The following OR6Y1 variants were observed in gnomAD, a reference collection of about 807,000 sequenced individuals.
The protein encoded by OR6Y1 is olfactory receptor family 6 subfamily Y member 1.
OR6Y1 carries 1 observed loss-of-function variant against 0.4 expected under a neutral mutation model. That is an observed-to-expected ratio of 2.74 (90% CI 0.97 to 13.02). The LOEUF (loss-of-function observed/expected upper bound fraction) is 13.02, where lower values mean the gene tolerates loss of function less well. Among genes scored for constraint, OR6Y1 ranks in the 30% most tolerant of loss-of-function variants. The pLI is 0.12. For synonymous variants in OR6Y1, 173 were observed against 141.1 expected (o/e 1.23, Z -1.60); for missense variants, 480 against 399.8 (o/e 1.20, Z -1.71).
At chr1:158,552,096 C>T (rs943061075) in intron 1 of OR6Y1, among the ~76,000 whole-genome samples, 1 of 151,988 alleles carries the variant, frequency 6.6e-6, no homozygotes, top group African/African-American at 2.4e-5. Context: ...AAAGGATAGA[C>T]TTCACTGTTT....
At chr1:158,551,121 C>CT (rs10714040) in intron 1 of OR6Y1, among the ~76,000 whole-genome samples, 22 of 148,432 alleles carry the variant, frequency 1.5e-4, no homozygotes, top group South Asian at 8.5e-4. Context: ...TTGGGTGAGG[C>CT]TTTTTTTTTT....
chr1:158,553,607 A>C (rs2101711102), intron 1 of OR6Y1, among the ~76,000 whole-genome samples: 1 of 152,244 alleles, frequency 6.6e-6, no homozygotes, highest in South Asian at 2.1e-4. Context: ...ATTATAAGCC[A>C]TCTGATCCTC....
rs1380471583 is a variant in OR6Y1 at position 158,547,355 on chromosome 1, T to A, written c.751A>T (p.Thr251Ser). Residue 251 changes from threonine (T) to serine (S), a missense_variant, in exon 2 of 2, where the codon ACC becomes TCC. Coordinates refer to ENST00000641622, the MANE Select transcript of OR6Y1 (RefSeq NM_001005189.2). ...ATGGAATAGAAGAGAATTACGACGGTCAGGTGGGAGGCACAGGTGGAGAAT... is the reference window on the plus strand; with the variant it reads ...ATGGAATAGAAGAGAATTACGACGGACAGGTGGGAGGCACAGGTGGAGAAT... ...KAFSTCASHL[T>S]VVILFYSMTL... is the part of the protein sequence containing the mutation. 1 of 1,613,306 alleles carries A rather than the reference T, an allele frequency of 6.2e-7. No homozygotes were observed. The highest frequency in any genetic ancestry group is 1.3e-5 in the African/African-American group (1 of 74,458).
In OR6Y1 at chr1:158,547,933, C is replaced by T; in HGVS notation, c.173G>A (p.Gly58Glu). 6.2e-7 allele frequency: 1 copy of T among 1,613,442 alleles called. No homozygotes were observed. Among genetic ancestry groups the T allele is most frequent in the Non-Finnish European group, 8.5e-7 (1 of 1,179,992 alleles). ...LLIILAIHSD[G>E]QLHKPMYFFL... ...GAAGTACATGGGCTTATGCAGCTGC[C>T]CATCACTGTGGATAGCTAAGATGAT... is the stretch of plus-strand genomic sequence containing the variant. Residue 58 changes from glycine to glutamate, a missense_variant, in exon 2 of 2, where the codon GGG becomes GAG. Physicochemically the swap from Gly to Glu is moderately conservative, Grantham distance 98. Transcript: ENST00000641622.
intron 1 of OR6Y1, among the ~76,000 whole-genome samples, chr1:158,553,728 C>A (rs1359393096): frequency 6.6e-6 from 1 of 152,152 alleles, no homozygotes; most frequent in African/African-American, 2.4e-5. Context: ...ATTCATTCAT[C>A]TACACTGGTC....
At position 158,545,479 on chromosome 1, in the gene OR6Y1, AT is replaced by A. The variant is rs369362082; in HGVS notation, c.*1648del. ...GTACCCTAAAACTTAAAGTATAATA[AT>A]AATAAAATAAAATAAAATAAAATAA... On this transcript the variant is annotated 3_prime_UTR_variant, in exon 2 of 2. Transcript: ENST00000641622. The A allele has an allele frequency of 1.8e-4, 21 of 117,932 alleles. No homozygotes were observed. The highest frequency in any genetic ancestry group is 4.2e-4 in the Admixed American group (5 of 11,780). The allele number at this position is 117,932 out of a possible 1,614,324, so 7.3% of individuals were successfully genotyped here. A position where few individuals can be genotyped will look rare whatever the true frequency, so the allele number is the denominator to read the frequency against.
At position 158,547,191 on chromosome 1, in the gene OR6Y1, G is replaced by A. The variant is rs762057266; in HGVS notation, c.915C>T (p.Ala305=). The A allele has an allele frequency of 7.4e-6, 12 of 1,613,610 alleles. No individual in the cohort carries two copies. Among genetic ancestry groups the A allele is most frequent in the Middle Eastern group, 1.7e-4 (1 of 6,058 alleles). ...CTCTGCAATGTATGGTCTTTCTGAGGGCTGCCTTTACTTCATGGTTCCTCA... is the reference window on the plus strand; with the variant it reads ...CTCTGCAATGTATGGTCTTTCTGAGAGCTGCCTTTACTTCATGGTTCCTCA... ...YCLRNHEVKA[A]LRKTIHCRGS... The change falls in exon 2 of 2, where the codon GCC becomes GCT. Residue 305 remains alanine (A), a synonymous_variant. Coordinates refer to ENST00000641622, the MANE Select transcript of OR6Y1 (RefSeq NM_001005189.2).
Position 158,546,688 on chromosome 1 carries a change from C to A in OR6Y1, c.*440G>T, listed in dbSNP as rs1220358243. 6.4e-6 allele frequency: 1 copy of A among 156,048 alleles called. No individual in the cohort carries two copies. Among genetic ancestry groups the A allele is most frequent in the African/African-American group, 2.4e-5 (1 of 41,438 alleles). The allele number at this position is 156,048 out of a possible 1,614,324, so 9.7% of individuals were successfully genotyped here. ...GGCATTAATTTATGTTGAACTTTTT[C>A]TTTTACTTCTACAATATAGAGTGTT... On this transcript the variant is annotated 3_prime_UTR_variant, in exon 2 of 2. Transcript: ENST00000641622.
chr1:158,546,637 AC>A lies in OR6Y1; in HGVS notation c.*490del, dbSNP rs1163311509. ...CTCAGTCTCTTGAGTAGCTGGGACT[AC>A]AGGTATGTGCCACTGTGCCTAACAG... On this transcript the variant is annotated 3_prime_UTR_variant, in exon 2 of 2. Coordinates refer to ENST00000641622, the MANE Select transcript of OR6Y1 (RefSeq NM_001005189.2). 3 of 153,600 alleles carry A rather than the reference AC, an allele frequency of 2.0e-5. No individual in the cohort carries two copies. Among genetic ancestry groups the A allele is most frequent in the African/African-American group, 7.2e-5 (3 of 41,464 alleles). The allele number at this position is 153,600 out of a possible 1,614,324, so 9.5% of individuals were successfully genotyped here. A position where few individuals can be genotyped will look rare whatever the true frequency, so the allele number is the denominator to read the frequency against.
chr1:158,552,079 C>T (rs1005815450), intron 1 of OR6Y1, among the ~76,000 whole-genome samples: 4 of 151,912 alleles, frequency 2.6e-5, no homozygotes, highest in African/African-American at 7.3e-5. Context: ...AGTCTCGTCT[C>T]GTTCTCAAAG....
chr1:158,546,665 C>T lies in OR6Y1; in HGVS notation c.*463G>A, dbSNP rs920270671. The T allele has an allele frequency of 6.4e-6, 1 of 155,898 alleles. No individual in the cohort carries two copies. Among genetic ancestry groups the T allele is most frequent in the African/African-American group, 2.4e-5 (1 of 41,444 alleles). The allele number at this position is 155,898 out of a possible 1,614,324, so 9.7% of individuals were successfully genotyped here. On this transcript the variant is annotated 3_prime_UTR_variant, in exon 2 of 2. Coordinates refer to ENST00000641622, the MANE Select transcript of OR6Y1 (RefSeq NM_001005189.2). ...GGTATGTGCCACTGTGCCTAACAGG[C>T]ATTAATTTATGTTGAACTTTTTCTT...
At chr1:158,552,819 G>A (rs1015189896) in intron 1 of OR6Y1, among the ~76,000 whole-genome samples, 9 of 152,116 alleles carry the variant, frequency 5.9e-5, no homozygotes, top group African/African-American at 1.7e-4. Flanking sequence ...TGGACATTGA[G>A]GGTCTTGGAC....
chr1:158,549,801 C>T (rs1647652890), intron 1 of OR6Y1, among the ~76,000 whole-genome samples: 1 of 149,190 alleles, frequency 6.7e-6, no homozygotes, highest in South Asian at 2.1e-4. Context: ...TTTATGAATC[C>T]TCCTTATCTT....
rs751744042 is a variant in OR6Y1 at position 158,547,723 on chromosome 1, T to A, written c.383A>T (p.Tyr128Phe). The A allele has an allele frequency of 8.7e-6, 14 of 1,613,350 alleles. No homozygotes were observed. The African/African-American group carries it at 1.7e-4, about 20-fold the overall frequency. ...GCGTAGTGGATTACAAATGGCTACA[T>A]AGCGGTCAAAGGCCATGATAGCAAG... ...ILLAIMAFDR[Y>F]VAICNPLRYP... Residue 128 changes from tyrosine (Y) to phenylalanine (F), a missense_variant, in exon 2 of 2, where the codon TAT becomes TTT. By Grantham distance (22) the Tyr-to-Phe change is conservative. Coordinates refer to ENST00000641622, the MANE Select transcript of OR6Y1 (RefSeq NM_001005189.2).
Position 158,547,806 on chromosome 1 carries a change from A to T in OR6Y1, c.300T>A (p.Asn100Lys), listed in dbSNP as rs1372834323. 6.2e-7 allele frequency: 1 copy of T among 1,613,586 alleles called. No homozygotes were observed. Among genetic ancestry groups the T allele is most frequent in the Non-Finnish European group, 8.5e-7 (1 of 1,179,998 alleles). ...FLSHDKSISF[N>K]GCMTQLYFFV... Reference sequence around the variant, plus strand: ...AAAAGTAAAGTTGAGTCATGCAGCCATTGAAGGAAATACTCTTGTCATGAC... The same window carrying T: ...AAAAGTAAAGTTGAGTCATGCAGCCTTTGAAGGAAATACTCTTGTCATGAC... Residue 100 changes from asparagine (N) to lysine (K), a missense_variant, in exon 2 of 2, where the codon AAT becomes AAA. Physicochemically the swap from Asn to Lys is moderately conservative, Grantham distance 94 (BLOSUM62 0). Transcript: ENST00000641622.
chr1:158,548,924 G>A lies in OR6Y1; in HGVS notation c.-819C>T, dbSNP rs1474618502. 1 of 151,618 alleles carries A rather than the reference G, an allele frequency of 6.6e-6. No individual in the cohort carries two copies. Among genetic ancestry groups the A allele is most frequent in the Non-Finnish European group, 1.5e-5 (1 of 67,996 alleles). 9.4% of individuals were successfully genotyped at this position (151,618 alleles called of 1,614,324 possible). A position where few individuals can be genotyped will look rare whatever the true frequency, so the allele number is the denominator to read the frequency against. ...AAATGGGATTTAGAGTTTAAATTCA[G>A]TTCCTATGATATTTGCTGTGACCTT... On this transcript the variant is annotated 5_prime_UTR_variant, in exon 2 of 2. Coordinates refer to ENST00000641622, the MANE Select transcript of OR6Y1 (RefSeq NM_001005189.2).
rs1647611615 is a variant in OR6Y1, at chr1:158,548,359, G to T, written c.-254C>A. The T allele has an allele frequency of 5.1e-6, 2 of 393,148 alleles. No individual in the cohort carries two copies. Among genetic ancestry groups the T allele is most frequent in the South Asian group, 4.3e-5 (1 of 23,468 alleles). 24.4% of individuals were successfully genotyped at this position (393,148 alleles called of 1,614,324 possible). A position where few individuals can be genotyped will look rare whatever the true frequency, so the allele number is the denominator to read the frequency against. ...CTTGTCCAAGGTCATACAAAATAGA[G>T]TTTATAACTTTCTAAATCCCAGTTC... On this transcript the variant is annotated 5_prime_UTR_variant, in exon 2 of 2. Transcript: ENST00000641622.
At position 158,547,438 on chromosome 1, in the gene OR6Y1, T is replaced by C; in HGVS notation, c.668A>G (p.Tyr223Cys). 6.2e-7 allele frequency: 1 copy of C among 1,613,314 alleles called. No homozygotes were observed. Among genetic ancestry groups the C allele is most frequent in the Non-Finnish European group, 8.5e-7 (1 of 1,179,942 alleles). Residue 223 changes from tyrosine (Y) to cysteine (C), a missense_variant, in exon 2 of 2, where the codon TAC becomes TGC. Physicochemically the swap from Tyr to Cys is radical, Grantham distance 194. Transcript: ENST00000641622. Reference protein sequence around the residue: ...AIPLCVVVASYAAILATILRI... With the variant: ...AIPLCVVVASCAAILATILRI... ...GAGGATGGTGGCAAGGATAGCAGCG[T>C]AGGATGCCACCACAACACAAAGAGG...
Position 158,547,423 on chromosome 1 carries a change from G to A in OR6Y1, c.683C>T (p.Ala228Val), listed in dbSNP as rs1015169088. 1.2e-6 allele frequency: 2 copies of A among 1,613,416 alleles called. No individual in the cohort carries two copies. Among genetic ancestry groups the A allele is most frequent in the Non-Finnish European group, 1.7e-6 (2 of 1,179,994 alleles). Residue 228 changes from alanine to valine, a missense_variant, in exon 2 of 2, where the codon GCC becomes GTC. Physicochemically the swap from Ala to Val is moderately conservative, Grantham distance 64. Transcript: ENST00000641622. ...VVVASYAAIL[A>V]TILRIPSAQG... ...AGCAGAAGGGATCCTGAGGATGGTG[G>A]CAAGGATAGCAGCGTAGGATGCCAC... is the stretch of plus-strand genomic sequence containing the variant.
Sources: gnomAD v4.1 joint callset for allele counts (sites outside exome capture counted in the v4.1 genomes callset) on GRCh38, gnomAD v4.1.1 for gene constraint, MANE v1.5 for transcripts, NCBI Gene and HGNC (gene_info 2026-07-23, HGNC 2026-07-21) for gene names.